The following KCTD3 variants were observed in gnomAD, a reference collection of about 807,000 sequenced individuals.
The protein encoded by KCTD3 is potassium channel tetramerization domain containing 3, also known as BTB/POZ domain-containing protein KCTD3.
KCTD3 carries 41 observed loss-of-function variants against 85.8 expected under a neutral mutation model. The ratio of observed to expected loss-of-function variants is 0.48; its 90% CI spans 0.37 to 0.62. KCTD3 has a LOEUF of 0.62. KCTD3 is among the 20% of genes least tolerant of loss of function. The probability of loss-of-function intolerance (pLI) is 0.00; values close to 1 mark genes in which losing one functional copy is unlikely to be tolerated. For synonymous variants in KCTD3, 338 were observed against 345.4 expected (o/e 0.98, Z 0.24); for missense variants, 724 against 989.9 (o/e 0.73, Z 3.60).
At chr1:215,614,349 A>T (rs766181213) in intron 15 of KCTD3, among the ~76,000 whole-genome samples, 15 of 152,058 alleles carry the variant, frequency 9.9e-5, no homozygotes, top group Non-Finnish European at 2.1e-4. Context: ...GTTTTTTCTA[A>T]TTCTGTGAAA....
At position 215,567,559 on chromosome 1, in the gene KCTD3, C is replaced by T. The variant is rs1475209769; in HGVS notation, c.-127C>T. On this transcript the variant is annotated 5_prime_UTR_variant, in exon 1 of 18. Transcript: ENST00000259154. ...GGAAGGTGGGGGAAGCCCCGTGCAC[C>T]CCCCGCCCTCCGGCCGCCGCCGCCC... 16 of 399,520 alleles carry T rather than the reference C, an allele frequency of 4.0e-5. No homozygotes were observed. In the East Asian group the frequency reaches 7.7e-4, roughly 19 times the overall value. The allele number at this position is 399,520 out of a possible 1,614,324, so 24.7% of individuals were successfully genotyped here.
intron 14 of KCTD3, among the ~76,000 whole-genome samples, chr1:215,609,506 T>A (rs1175110729): frequency 6.6e-6 from 1 of 151,940 alleles, no homozygotes; most frequent in Non-Finnish European, 1.5e-5. Context: ...TGGAGACCTT[T>A]TGAAGAATTT....
At chr1:215,603,581 T>G (rs1479650023) in intron 12 of KCTD3, among the ~76,000 whole-genome samples, 1 of 152,236 alleles carries the variant, frequency 6.6e-6, no homozygotes, top group Non-Finnish European at 1.5e-5. Context: ...TTAAATAGTA[T>G]ATTTAATGCT....
chr1:215,580,093 T>TA, intron 8 of KCTD3, 94 bp downstream of exon 8: 1 of 805,432 alleles, frequency 1.2e-6, no homozygotes, highest in Non-Finnish European at 2.0e-6. Flanking sequence ...TATTTTTTTT[T>TA]AGTCATCAAG....
rs567736005 is a variant in KCTD3 at position 215,586,388 on chromosome 1, T to G, written c.627-107T>G. The G allele has an allele frequency of 4.3e-4, 404 of 943,484 alleles. 2 individuals are homozygous for G. The South Asian group carries it at 6.8e-3, about 16-fold the overall frequency. The allele number at this position is 943,484 out of a possible 1,614,324, so 58.4% of individuals were successfully genotyped here. A position where few individuals can be genotyped will look rare whatever the true frequency, so the allele number is the denominator to read the frequency against. On this transcript the variant is annotated intron_variant, in intron 8 of 17. Coordinates refer to ENST00000259154, the MANE Select transcript of KCTD3 (RefSeq NM_016121.5). Reference sequence around the variant, plus strand: ...GAAGGTGGATGGGTAACTGTTTAGTTTTTTTTTTGTTTTTTGTTGTTGTTT... The same window carrying G: ...GAAGGTGGATGGGTAACTGTTTAGTGTTTTTTTTGTTTTTTGTTGTTGTTT...
At chr1:215,618,829 C>T in intron 15 of KCTD3, 57 bp from the exon 16 acceptor site, 1 of 1,279,814 alleles carries the variant, frequency 7.8e-7, no homozygotes. Context: ...AGTTTCATAG[C>T]TTCTTTTTAA....
chr1:215,614,782 G>A (rs1243050812), intron 15 of KCTD3, among the ~76,000 whole-genome samples: 2 of 151,986 alleles, frequency 1.3e-5, no homozygotes, highest in Admixed American at 1.3e-4. Flanking sequence ...TACTAATCCT[G>A]TTCATTTTAA....
intron 10 of KCTD3, among the ~76,000 whole-genome samples, chr1:215,599,830 A>G (rs555922273): frequency 1.3e-5 from 2 of 152,134 alleles, no homozygotes; most frequent in East Asian, 3.9e-4. Flanking sequence ...CCCAGAGAAT[A>G]AATGGTAAAA....
intron 4 of KCTD3, 91 bp downstream of exon 4, chr1:215,576,065 T>G: frequency 1.3e-6 from 1 of 757,824 alleles, no homozygotes. Flanking sequence ...TTTTGTTTGT[T>G]TTTTTTTTTC....
At chr1:215,608,333 A>G (rs910266278) in intron 14 of KCTD3, among the ~76,000 whole-genome samples, 161 bp downstream of exon 14, 4 of 152,024 alleles carry the variant, frequency 2.6e-5, no homozygotes, top group African/African-American at 7.2e-5. Context: ...ATTAAATTCT[A>G]TAAATTCACA....
At chr1:215,609,092 G>T (rs887767384) in intron 14 of KCTD3, among the ~76,000 whole-genome samples, 3 of 151,964 alleles carry the variant, frequency 2.0e-5, no homozygotes, top group Non-Finnish European at 4.4e-5. Flanking sequence ...AAAAGAACCC[G>T]GAGGAGATAG....
In KCTD3 at chr1:215,573,827, C is replaced by CT. The variant is rs1659464364; in HGVS notation, c.133dup (p.Ser45PhefsTer14). The CT allele has an allele frequency of 7.0e-5, 110 of 1,563,194 alleles. No homozygotes were observed. The highest frequency in any genetic ancestry group is 1.5e-4 in the South Asian group (13 of 86,540). On this transcript the variant is annotated frameshift_variant, in exon 2 of 18. Transcript: ENST00000259154. LOFTEE classifies it high-confidence loss of function. ...CAAACTCTTATGTGGATTCCAGATT[C>CT]TTTTTTTTCCAGGTATGTCTTATAA...
Position 215,579,133 on chromosome 1 carries a change from G to GCTAGGTAAGCAAAGATTACAGAAATAGAA in KCTD3, c.532_535+25dup, listed in dbSNP as rs1170496579. ...CTGGAACGGGAGAAGAAACTGTTAGGCTAGGTAAGCAAAGATTACAGAAAT... is the reference window on the plus strand; with the variant it reads ...CTGGAACGGGAGAAGAAACTGTTAGGCTAGGTAAGCAAAGATTACAGAAATAGAACTAGGTAAGCAAAGATTACAGAAAT... On this transcript the variant is annotated stop_gained and frameshift_variant, in exon 7 of 18. Coordinates refer to ENST00000259154, the MANE Select transcript of KCTD3 (RefSeq NM_016121.5). LOFTEE classifies it high-confidence loss of function. The GCTAGGTAAGCAAAGATTACAGAAATAGAA allele has an allele frequency of 3.7e-6, 6 of 1,609,484 alleles. No individual in the cohort carries two copies. The highest frequency in any genetic ancestry group is 5.1e-6 in the Non-Finnish European group (6 of 1,177,986).
intron 10 of KCTD3, among the ~76,000 whole-genome samples, chr1:215,598,764 G>C (rs1418681994): frequency 2.6e-5 from 4 of 152,082 alleles, no homozygotes; most frequent in Non-Finnish European, 4.4e-5. Flanking sequence ...TTAGTAAATT[G>C]ACAGACACGT....
intron 9 of KCTD3, among the ~76,000 whole-genome samples, chr1:215,593,857 C>A (rs1186558988): frequency 8.9e-6 from 1 of 111,802 alleles, no homozygotes. Flanking sequence ...TGGAATACAA[C>A]TTTTTTTTTT....
intron 9 of KCTD3, among the ~76,000 whole-genome samples, chr1:215,587,626 A>C (rs6682584): frequency 0.025 from 3,800 of 152,248 alleles, 147 homozygotes; most frequent in African/African-American, 0.085. Context: ...TGTGATATCT[A>C]TTTCTGCATT....
chr1:215,584,876 T>A (rs1397922006), intron 8 of KCTD3, among the ~76,000 whole-genome samples: 1 of 152,332 alleles, frequency 6.6e-6, no homozygotes, highest in East Asian at 1.9e-4. Flanking sequence ...AGAAATCAGA[T>A]AGAGAGAAAG....
chr1:215,616,819 T>A (rs1215982614), intron 15 of KCTD3, among the ~76,000 whole-genome samples: 1 of 152,232 alleles, frequency 6.6e-6, no homozygotes, highest in Non-Finnish European at 1.5e-5. Context: ...TTGGTCTTTG[T>A]CTCTGTTTCC....
At chr1:215,608,588 A>T (rs1389329825) in intron 14 of KCTD3, among the ~76,000 whole-genome samples, 1 of 151,990 alleles carries the variant, frequency 6.6e-6, no homozygotes, top group Non-Finnish European at 1.5e-5. Flanking sequence ...CGTAATATTC[A>T]TTAGGAAACA....
Sources: gnomAD v4.1 joint callset for allele counts (sites outside exome capture counted in the v4.1 genomes callset) on GRCh38, gnomAD v4.1.1 for gene constraint, MANE v1.5 for transcripts, NCBI Gene and HGNC (gene_info 2026-07-23, HGNC 2026-07-21) for gene names.